BFSP2: variants seen among roughly 807,000 people sequenced by gnomAD.
BFSP2 encodes beaded filament structural protein 2, also known as phakinin.
BFSP2 carries 38 observed loss-of-function variants against 44.9 expected under a neutral mutation model. The observed-to-expected ratio is 0.85, with a 90% CI of 0.65 to 1.11. The LOEUF (loss-of-function observed/expected upper bound fraction) is 1.11, where lower values mean the gene tolerates loss of function less well. Ranked by LOEUF, BFSP2 falls within the 50% of genes least tolerant of loss-of-function variation. The probability of loss-of-function intolerance (pLI) is 0.00; values close to 1 mark genes in which losing one functional copy is unlikely to be tolerated. For synonymous variants in BFSP2, 197 were observed against 209.9 expected, an observed-to-expected ratio of 0.94 and a Z score of 0.53; for missense variants, 525 against 533.0, an observed-to-expected ratio of 0.99 and a Z score of 0.15.
At chr3:133,441,310 A>G (rs1030225064) in intron 1 of BFSP2, among the ~76,000 whole-genome samples, 1 of 152,152 alleles carries the variant, frequency 6.6e-6, no homozygotes, top group Non-Finnish European at 1.5e-5. Flanking sequence ...TGCTAGGATT[A>G]TACTTCGTAA....
chr3:133,411,546 A>G (rs1466076210), intron 1 of BFSP2, among the ~76,000 whole-genome samples: 1 of 152,156 alleles, frequency 6.6e-6, no homozygotes, highest in African/African-American at 2.4e-5. Flanking sequence ...CAAACAAAAA[A>G]CCTGAATATG....
In BFSP2 at chr3:133,413,335, C is replaced by T. The variant is rs114752484; in HGVS notation, c.489+12763C>T. 2.8e-3 allele frequency among the ~76,000 whole-genome samples: 428 copies of T among 152,082 alleles called. 6 individuals carry two copies. The highest frequency in any genetic ancestry group is 9.0e-3 in the African/African-American group (373 of 41,486). On this transcript the variant is annotated intron_variant, in intron 1 of 6. Coordinates refer to ENST00000302334, the MANE Select transcript of BFSP2 (RefSeq NM_003571.4). ...TGGGAGAGAAGACCCATCTCCACAG[C>T]TCCTCTCAAAACAAACCCAGCCAAA...
At chr3:133,465,289 G>A (rs1417178783) in intron 4 of BFSP2, among the ~76,000 whole-genome samples, 1 of 151,952 alleles carries the variant, frequency 6.6e-6, no homozygotes, top group Non-Finnish European at 1.5e-5. Flanking sequence ...TTACAGGCAT[G>A]AGCCACTGCA....
At chr3:133,415,933 C>T (rs1458800501) in intron 1 of BFSP2, among the ~76,000 whole-genome samples, 1 of 140,730 alleles carries the variant, frequency 7.1e-6, no homozygotes, top group African/African-American at 2.7e-5. Flanking sequence ...TCAGCCCTGC[C>T]ATCTCCCCTC....
chr3:133,467,196 A>G (rs1184008879), intron 5 of BFSP2, among the ~76,000 whole-genome samples: 1 of 152,158 alleles, frequency 6.6e-6, no homozygotes, highest in African/African-American at 2.4e-5. Flanking sequence ...GTAAATGTTG[A>G]CTGTTAACAT....
chr3:133,456,189 G>A (rs975775745), intron 4 of BFSP2, among the ~76,000 whole-genome samples: 6 of 152,236 alleles, frequency 3.9e-5, no homozygotes, highest in Non-Finnish European at 5.9e-5. Context: ...CCTCAGGTCA[G>A]TTTGAGGCAT....
At chr3:133,433,570 T>C (rs2073749986) in intron 1 of BFSP2, among the ~76,000 whole-genome samples, 1 of 152,192 alleles carries the variant, frequency 6.6e-6, no homozygotes, top group South Asian at 2.1e-4. Flanking sequence ...GTAGACACTT[T>C]CACTGGATAG....
chr3:133,452,653 C>T (rs1027937562), intron 4 of BFSP2, among the ~76,000 whole-genome samples: 4 of 152,174 alleles, frequency 2.6e-5, no homozygotes, highest in Non-Finnish European at 5.9e-5. Context: ...TGACTTCCCA[C>T]GATCACACAG....
chr3:133,456,885 A>G (rs1441582162), intron 4 of BFSP2, among the ~76,000 whole-genome samples: 1 of 152,090 alleles, frequency 6.6e-6, no homozygotes, highest in Non-Finnish European at 1.5e-5. Context: ...AGGAGAATAG[A>G]AACCTTGAAT....
At chr3:133,424,486 C>G (rs1443768837) in intron 1 of BFSP2, among the ~76,000 whole-genome samples, 1 of 123,844 alleles carries the variant, frequency 8.1e-6, no homozygotes, top group Non-Finnish European at 1.7e-5. Context: ...GTCCTGAGTT[C>G]CAGTCTCAGC....
At chr3:133,439,475 G>A (rs1397079474) in intron 1 of BFSP2, among the ~76,000 whole-genome samples, 1 of 152,200 alleles carries the variant, frequency 6.6e-6, no homozygotes, top group Non-Finnish European at 1.5e-5. Context: ...AGAAAGGCAG[G>A]AAAAGATCAG....
chr3:133,440,337 G>A (rs2073833260), intron 1 of BFSP2, among the ~76,000 whole-genome samples: 4 of 152,222 alleles, frequency 2.6e-5, no homozygotes, highest in African/African-American at 9.6e-5. Flanking sequence ...AACCATATCA[G>A]CAGGAGATGC....
intron 1 of BFSP2, among the ~76,000 whole-genome samples, chr3:133,417,719 A>T (rs1222794778): frequency 2.9e-5 from 1 of 33,952 alleles, no homozygotes; most frequent in African/African-American, 1.2e-4. Context: ...CACCCCTGCC[A>T]TCTCCCCTCT....
intron 5 of BFSP2, among the ~76,000 whole-genome samples, chr3:133,470,010 G>A (rs1233810688): frequency 2.3e-5 from 3 of 131,184 alleles, no homozygotes; most frequent in Non-Finnish European, 5.3e-5. Flanking sequence ...CTAGTCACAA[G>A]TTAAGTACTT....
At chr3:133,464,623 T>A (rs7612063) in intron 4 of BFSP2, among the ~76,000 whole-genome samples, 1 of 150,776 alleles carries the variant, frequency 6.6e-6, no homozygotes, top group Non-Finnish European at 1.5e-5. Flanking sequence ...CAAAAGTTAT[T>A]TGTTGGCCAC....
intron 1 of BFSP2, among the ~76,000 whole-genome samples, chr3:133,426,834 G>A (rs2073658386): frequency 6.6e-6 from 1 of 152,240 alleles, no homozygotes; most frequent in Non-Finnish European, 1.5e-5. Context: ...ATATGGGCAT[G>A]TGCCTCCAGC....
intron 1 of BFSP2, among the ~76,000 whole-genome samples, chr3:133,409,646 G>A (rs912470347): frequency 6.6e-6 from 1 of 152,156 alleles, no homozygotes; most frequent in East Asian, 1.9e-4. Flanking sequence ...AGAAAGCAAG[G>A]ACGCTATGAA....
chr3:133,432,699 A>G (rs1559967637), intron 1 of BFSP2, among the ~76,000 whole-genome samples: 1 of 152,066 alleles, frequency 6.6e-6, no homozygotes, highest in East Asian at 1.9e-4. Flanking sequence ...TTTCTTCTCC[A>G]TCGGTTACCT....
intron 4 of BFSP2, among the ~76,000 whole-genome samples, chr3:133,463,718 G>GT (rs2074085057): frequency 2.0e-5 from 3 of 152,110 alleles, no homozygotes; most frequent in South Asian, 4.1e-4. Flanking sequence ...CCAGTTTCAG[G>GT]TTTTTTCTAT....
Sources: allele counts gnomAD v4.1 joint callset (sites outside exome capture counted in the v4.1 genomes callset), GRCh38; gene constraint gnomAD v4.1.1; transcripts MANE v1.5; gene names NCBI Gene and HGNC (gene_info 2026-07-23, HGNC 2026-07-21).